ASIP: variants seen among roughly 807,000 people sequenced by gnomAD.
The protein encoded by ASIP is agouti signaling protein.
A neutral mutation model predicts 10.3 loss-of-function variants in ASIP; 11 were observed. That is an observed-to-expected ratio of 1.07 (90% CI 0.68 to 1.78). The LOEUF (loss-of-function observed/expected upper bound fraction) is 1.78. ASIP is among the 40% of genes most tolerant of loss of function. The probability of loss-of-function intolerance (pLI) is 0.00; values close to 1 mark genes in which losing one functional copy is unlikely to be tolerated. For synonymous variants in ASIP, 70 were observed against 70.8 expected, an observed-to-expected ratio of 0.99 and a Z score of 0.06; for missense variants, 180 against 169.2, an observed-to-expected ratio of 1.06 and a Z score of -0.35.
intron 1 of ASIP, among the ~76,000 whole-genome samples, chr20:34,218,420 T>C (rs1299934782): frequency 6.6e-6 from 1 of 152,172 alleles, no homozygotes; most frequent in Non-Finnish European, 1.5e-5. Flanking sequence ...TTGGGAAAAA[T>C]ATAGCCTTGT....
intron 1 of ASIP, among the ~76,000 whole-genome samples, chr20:34,205,664 T>C (rs2034931178): frequency 6.7e-6 from 1 of 149,074 alleles, no homozygotes; most frequent in Non-Finnish European, 1.5e-5. Context: ...TACAGAGCGC[T>C]GATTTCTCCA....
chr20:34,258,870 AT>A (rs527921323), intron 1 of ASIP, among the ~76,000 whole-genome samples: 2,320 of 127,332 alleles, frequency 0.018, 52 homozygotes, highest in South Asian at 0.08. Flanking sequence ...GATATATATA[AT>A]ACTATATATA....
chr20:34,225,883 G>A (rs117113297), intron 1 of ASIP, among the ~76,000 whole-genome samples: 2,693 of 151,256 alleles, frequency 0.018, 43 homozygotes, highest in Non-Finnish European at 0.028. Context: ...ATAACTAGAT[G>A]TGCACCTACT....
intron 1 of ASIP, among the ~76,000 whole-genome samples, chr20:34,254,460 T>C (rs1027081231): frequency 2.0e-5 from 3 of 152,204 alleles, no homozygotes; most frequent in African/African-American, 7.2e-5. Flanking sequence ...TTACCTGTAA[T>C]TGCAAAATCC....
At chr20:34,203,379 G>A (rs1433552142) in intron 1 of ASIP, among the ~76,000 whole-genome samples, 17 of 151,324 alleles carry the variant, frequency 1.1e-4, no homozygotes, top group Admixed American at 1.1e-3. Context: ...TATTTTATAA[G>A]TGGCATATAT....
At chr20:34,202,448 T>A (rs1251835487) in intron 1 of ASIP, among the ~76,000 whole-genome samples, 4 of 152,240 alleles carry the variant, frequency 2.6e-5, no homozygotes, top group Admixed American at 6.5e-5. Context: ...TTTTAAATAA[T>A]TTAAATGAAT....
chr20:34,232,510 T>A (rs2035128807), intron 1 of ASIP, among the ~76,000 whole-genome samples: 1 of 152,162 alleles, frequency 6.6e-6, no homozygotes, highest in South Asian at 2.1e-4. Flanking sequence ...AGCAGCAAGA[T>A]GAGACAAACC....
chr20:34,204,222 A>ATT (rs760440247), intron 1 of ASIP, among the ~76,000 whole-genome samples: 6 of 139,768 alleles, frequency 4.3e-5, no homozygotes, highest in Admixed American at 1.4e-4. Context: ...TATTTTTTTA[A>ATT]TTTTTTTTTT....
At chr20:34,235,139 A>G (rs978200409) in intron 1 of ASIP, 1 of 152,224 alleles carries the variant, frequency 6.6e-6, no homozygotes, top group African/African-American at 2.4e-5. Context: ...AAGTGACCGA[A>G]GCTGTTAAAT....
At chr20:34,213,489 G>T in intron 1 of ASIP, 1 of 1,384,200 alleles carries the variant, frequency 7.2e-7, no homozygotes, top group Non-Finnish European at 9.9e-7. Flanking sequence ...CACTGAAAAA[G>T]TCTGTCTCTA....
chr20:34,211,232 C>T (rs1601573185), intron 1 of ASIP, among the ~76,000 whole-genome samples: 1 of 152,216 alleles, frequency 6.6e-6, no homozygotes, highest in African/African-American at 2.4e-5. Flanking sequence ...CAGGTTCTCA[C>T]TGTTGTTGCC....
intron 1 of ASIP, among the ~76,000 whole-genome samples, chr20:34,218,626 G>A (rs568879933): frequency 6.6e-6 from 1 of 152,110 alleles, no homozygotes; most frequent in East Asian, 1.9e-4. Flanking sequence ...TTTAACAGGG[G>A]GAATCAGGCT....
chr20:34,250,976 AT>A (rs1242327249), intron 1 of ASIP, among the ~76,000 whole-genome samples: 1 of 152,054 alleles, frequency 6.6e-6, no homozygotes, highest in Non-Finnish European at 1.5e-5. Context: ...TGTCTCTTAT[AT>A]TCCCTCAAGC....
the ASIP span, among the ~76,000 whole-genome samples, chr20:34,188,251 GT>G: frequency 6.6e-6 from 1 of 152,200 alleles, no homozygotes; most frequent in African/African-American, 2.4e-5. Context: ...GGCCAGTTTA[GT>G]TTTTTCAGTT....
the ASIP span, among the ~76,000 whole-genome samples, chr20:34,188,054 C>A: frequency 6.6e-6 from 1 of 152,280 alleles, no homozygotes; most frequent in South Asian, 2.1e-4. Context: ...CCCATCTTCC[C>A]CTCGCACTTC....
At chr20:34,239,320 G>A (rs1270939351), upstream of ASIP, among the ~76,000 whole-genome samples, 3 of 151,708 alleles carry the variant, frequency 2.0e-5, no homozygotes, top group Admixed American at 6.6e-5. Context: ...AGGTTCAAGC[G>A]ATTCTCCTGC....
intron 3 of ASIP, among the ~76,000 whole-genome samples, chr20:34,266,540 G>C (rs928251247): frequency 1.3e-5 from 2 of 151,582 alleles, no homozygotes; most frequent in African/African-American, 4.9e-5. Flanking sequence ...GGGCGTGGTG[G>C]TGCACGCCTG....
At chr20:34,255,376 C>T (rs2035549644) in intron 1 of ASIP, among the ~76,000 whole-genome samples, 1 of 152,084 alleles carries the variant, frequency 6.6e-6, no homozygotes, top group Admixed American at 6.5e-5. Flanking sequence ...ACTGGAGCCT[C>T]AACCTCCCAG....
intron 1 of ASIP, chr20:34,245,872 A>G (rs2035366637): frequency 2.1e-6 from 2 of 972,184 alleles, no homozygotes; most frequent in South Asian, 4.3e-5. Context: ...AAATATATAT[A>G]TATGTATATA....
Sources: gnomAD v4.1 joint callset for allele counts (sites outside exome capture counted in the v4.1 genomes callset) on GRCh38, gnomAD v4.1.1 for gene constraint, MANE v1.5 for transcripts, NCBI Gene and HGNC (gene_info 2026-07-23, HGNC 2026-07-21) for gene names.